The following SP1 variants were observed in gnomAD, a reference collection of about 807,000 sequenced individuals.
SP1 encodes the protein Sp1 transcription factor, also known as transcription factor Sp1.
In SP1, 6 loss-of-function variants were observed where a neutral mutation model predicts 66.3. The ratio of observed to expected loss-of-function variants is 0.09; its 90% CI spans 0.05 to 0.18. The LOEUF is 0.18. Among genes scored for constraint, SP1 ranks in the 10% least tolerant of loss-of-function variants. The pLI, the probability that SP1 is intolerant of heterozygous loss-of-function variation, is 1.00. For missense variants in SP1, 848 were observed against 964.5 expected, an observed-to-expected ratio of 0.88 and a Z score of 1.60; for synonymous variants, 417 against 360.8, an observed-to-expected ratio of 1.16 and a Z score of -1.77.
intron 3 of SP1, among the ~76,000 whole-genome samples, chr12:53,387,790 C>G (rs1225572514): frequency 6.6e-6 from 1 of 152,036 alleles, no homozygotes; most frequent in Non-Finnish European, 1.5e-5. Flanking sequence ...TCAAGACCAT[C>G]CTGGCTAACA....
rs1938979870 is a variant in SP1, at chr12:53,415,611, T to G, written c.*4371T>G. 2 of 149,192 alleles carry G rather than the reference T, an allele frequency of 1.3e-5. No homozygotes were observed. 9.2% of individuals were successfully genotyped at this position (149,192 alleles called of 1,614,324 possible). ...GAGGCATGATGATCTGCCTCTCAAC[T>G]GCCCTAAGTCCTAGCTAAGTATCAG... On this transcript the variant is annotated 3_prime_UTR_variant, in exon 6 of 6. Transcript: ENST00000327443.
In SP1 at chr12:53,404,674, A is replaced by G. The variant is rs868662455; in HGVS notation, c.1676-1911A>G. On this transcript the variant is annotated intron_variant, in intron 3 of 5. Transcript: ENST00000327443. Reference sequence around the variant, plus strand: ...ATTTTAGCATACACTGTTTATTTATATATATTTTTTTGAGTTGGAATCTTG... The same window carrying G: ...ATTTTAGCATACACTGTTTATTTATGTATATTTTTTTGAGTTGGAATCTTG... Among the ~76,000 whole-genome samples the G allele has an allele frequency of 2.0e-5, 3 of 152,038 alleles. No individual in the cohort carries two copies. The South Asian group carries it at 6.2e-4, about 32-fold the overall frequency.
intron 3 of SP1, among the ~76,000 whole-genome samples, chr12:53,403,658 C>T (rs574641350): frequency 1.3e-5 from 2 of 152,056 alleles, no homozygotes; most frequent in African/African-American, 4.8e-5. Context: ...CCTTCCCAGA[C>T]ATATTAAATA....
At chr12:53,404,166 G>A (rs1489668047) in intron 3 of SP1, among the ~76,000 whole-genome samples, 1 of 147,390 alleles carries the variant, frequency 6.8e-6, no homozygotes, top group Non-Finnish European at 1.5e-5. Flanking sequence ...GCGAGACTCC[G>A]TCTCAAAAAA....
intron 3 of SP1, among the ~76,000 whole-genome samples, chr12:53,404,848 T>C (rs75827800): frequency 0.01 from 1,591 of 152,096 alleles, 22 homozygotes; most frequent in African/African-American, 0.036. Context: ...TTATTATTAT[T>C]ATTTGGCGAC....
intron 3 of SP1, among the ~76,000 whole-genome samples, chr12:53,392,176 A>G (rs1288554434): frequency 6.6e-6 from 1 of 152,068 alleles, no homozygotes; most frequent in Admixed American, 6.6e-5. Context: ...ACCACTTAGA[A>G]GAAGGAGTTT....
At position 53,380,251 on chromosome 12, in the gene SP1, C is replaced by A. The variant is rs751026422; in HGVS notation, c.-41C>A. 6.7e-7 allele frequency: 1 copy of A among 1,500,420 alleles called. No homozygotes were observed. The highest frequency in any genetic ancestry group is 9.3e-7 in the Non-Finnish European group (1 of 1,079,298). 92.9% of individuals were successfully genotyped at this position (1,500,420 alleles called of 1,614,324 possible). On this transcript the variant is annotated 5_prime_UTR_variant, in exon 1 of 6. Transcript: ENST00000327443. Reference sequence around the variant, plus strand: ...GTTTTTCCCGGCCCCCCCCAACCCCCCCGGACAGGACCCCCTTGAGCTTGT... The same window carrying A: ...GTTTTTCCCGGCCCCCCCCAACCCCACCGGACAGGACCCCCTTGAGCTTGT...
In SP1 at chr12:53,383,572, T is replaced by A; in HGVS notation, c.1625T>A (p.Ile542Asn). The A allele has an allele frequency of 6.2e-7, 1 of 1,613,690 alleles. No individual in the cohort carries two copies. The highest frequency in any genetic ancestry group is 8.5e-7 in the Non-Finnish European group (1 of 1,179,916). ...INLSALGTSGIQVHPIQGLPL... is the reference protein window; with the variant it reads ...INLSALGTSGNQVHPIQGLPL... ...CTCAGTGCATTGGGTACTTCAGGAA[T>A]CCAGGTGCACCCAATTCAAGGCCTG... Residue 542 changes from isoleucine to asparagine, a missense_variant, in exon 3 of 6, where the codon ATC becomes AAC. This residue lies in a region of SP1 where 606 missense variants were observed against 589.9 expected (regional missense o/e 1.03). Transcript: ENST00000327443.
rs370587597 is a variant in SP1 at position 53,411,254 on chromosome 12, G to A, written c.*14G>A. The A allele has an allele frequency of 2.5e-6, 4 of 1,601,100 alleles. No homozygotes were observed. The highest frequency in any genetic ancestry group is 3.4e-6 in the Non-Finnish European group (4 of 1,173,010). ...AATGGCTTCTGAGATCAGGCACCCG[G>A]GGCCAGAGACATATGGGCCATACCC... On this transcript the variant is annotated 3_prime_UTR_variant, in exon 6 of 6. Transcript: ENST00000327443.
intron 3 of SP1, among the ~76,000 whole-genome samples, chr12:53,391,007 T>C (rs745603169): frequency 6.6e-6 from 1 of 152,202 alleles, no homozygotes; most frequent in Non-Finnish European, 1.5e-5. Flanking sequence ...TGTTTTAAAA[T>C]GTAAGATGAA....
chr12:53,405,710 G>GGAGGGAGGGAGGGAAGGAAGA (rs1269026680), intron 3 of SP1, among the ~76,000 whole-genome samples: 1 of 151,630 alleles, frequency 6.6e-6, no homozygotes, highest in East Asian at 1.9e-4. Flanking sequence ...AAGGAGGGAA[G>GGAGGGAGGGAGGGAAGGAAGA]GAGGGAGGGA....
Position 53,410,973 on chromosome 12 carries a change from G to A in SP1, c.2091G>A (p.Arg697=). ...CTGAGTGTCCTAAGCGCTTCATGAGGAGTGACCACCTGTCAAAACATATCA... is the reference window on the plus strand; with the variant it reads ...CTGAGTGTCCTAAGCGCTTCATGAGAAGTGACCACCTGTCAAAACATATCA... The part of the protein sequence containing the change: ...ACPECPKRFM[R]SDHLSKHIKT... The change falls in exon 6 of 6, where the codon AGG becomes AGA. Residue 697 remains arginine, a synonymous_variant. Transcript: ENST00000327443. 1.9e-6 allele frequency: 3 copies of A among 1,614,172 alleles called. No individual in the cohort carries two copies. The highest frequency in any genetic ancestry group is 2.5e-6 in the Non-Finnish European group (3 of 1,180,022).
intron 3 of SP1, among the ~76,000 whole-genome samples, chr12:53,391,253 C>T (rs1001582348): frequency 2.0e-5 from 3 of 151,792 alleles, no homozygotes; most frequent in African/African-American, 4.8e-5. Context: ...TATATTTGCC[C>T]ACACTGTGAT....
intron 3 of SP1, among the ~76,000 whole-genome samples, chr12:53,387,676 A>G (rs964449608): frequency 1.3e-5 from 2 of 152,160 alleles, no homozygotes; most frequent in African/African-American, 4.8e-5. Context: ...GGACTTGAAC[A>G]ATTCTTTAGA....
chr12:53,397,529 A>G (rs1488683641), intron 3 of SP1, among the ~76,000 whole-genome samples: 1 of 148,582 alleles, frequency 6.7e-6, no homozygotes, highest in Non-Finnish European at 1.5e-5. Flanking sequence ...CAGTGGTGCA[A>G]TCTTGGCTCA....
At position 53,383,366 on chromosome 12, in the gene SP1, A is replaced by G. The variant is rs761799820; in HGVS notation, c.1419A>G (p.Gln473=). The G allele has an allele frequency of 4.3e-6, 7 of 1,614,208 alleles. No individual in the cohort carries two copies. The Admixed American group carries it at 1.2e-4, about 27-fold the overall frequency. The change falls in exon 3 of 6, where the codon CAA becomes CAG. Residue 473 remains glutamine (Q), a synonymous_variant. Coordinates refer to ENST00000327443, the MANE Select transcript of SP1 (RefSeq NM_138473.3). The stretch of plus-strand genomic sequence containing the variant: ...AGACTCTACAGCTGCAGAACCTCCA[A>G]GTTCAGAACCCACAAGCCCAAACAA... ...SWQTLQLQNL[Q]VQNPQAQTIT...
At chr12:53,409,628 C>A in intron 5 of SP1, 67 bp downstream of exon 5, 2 of 1,262,468 alleles carry the variant, frequency 1.6e-6, no homozygotes, top group Non-Finnish European at 2.3e-6. Flanking sequence ...AATATACCTA[C>A]AAAATAACTA....
At position 53,412,463 on chromosome 12, in the gene SP1, T is replaced by G. The variant is rs912120743; in HGVS notation, c.*1223T>G. 1 of 152,632 alleles carries G rather than the reference T, an allele frequency of 6.6e-6. No homozygotes were observed. The highest frequency in any genetic ancestry group is 2.4e-5 in the African/African-American group (1 of 41,442). The allele number at this position is 152,632 out of a possible 1,614,324, so 9.5% of individuals were successfully genotyped here. ...ATATTCTGAAAGGAAATACACTTCT[T>G]TTGAACATCCCCACTAGGTTCTTTT... On this transcript the variant is annotated 3_prime_UTR_variant, in exon 6 of 6. Coordinates refer to ENST00000327443, the MANE Select transcript of SP1 (RefSeq NM_138473.3).
Position 53,398,495 on chromosome 12 carries a change from C to A in SP1, c.1676-8090C>A, listed in dbSNP as rs575115000. On this transcript the variant is annotated intron_variant, in intron 3 of 5. Transcript: ENST00000327443. ...ACAGGGTTTCACCATGTTGGCCAGG[C>A]TTGTCTCAAACTTGTGACCTCAAGT... Among the ~76,000 whole-genome samples the A allele has an allele frequency of 2.0e-4, 30 of 152,288 alleles. 1 individual carries two copies. In the South Asian group the frequency reaches 6.2e-3, roughly 32 times the overall value.
Sources: allele counts gnomAD v4.1 joint callset (sites outside exome capture counted in the v4.1 genomes callset), GRCh38; gene constraint gnomAD v4.1.1; regional missense constraint gnomAD v4.1.1; transcripts MANE v1.5; gene names NCBI Gene and HGNC (gene_info 2026-07-23, HGNC 2026-07-21).